Variants in LPIN2 observed in about 807,000 individuals in gnomAD.
The protein encoded by LPIN2 is lipin 2, also known as phosphatidate phosphatase LPIN2.
A neutral mutation model predicts 111.4 loss-of-function variants in LPIN2; 55 were observed. The ratio of observed to expected loss-of-function variants is 0.49; its 90% confidence interval spans 0.40 to 0.62. The LOEUF (loss-of-function observed/expected upper bound fraction) is 0.62. Ranked by LOEUF, LPIN2 falls within the 20% of genes least tolerant of loss-of-function variation. LPIN2 has a pLI of 0.00. For synonymous variants in LPIN2, 425 were observed against 414.0 expected, an observed-to-expected ratio of 1.03 and a Z score of -0.32; for missense variants, 992 against 1,112.1, an observed-to-expected ratio of 0.89 and a Z score of 1.54.
chr18:2,970,591 A>G (rs2077891797), intron 1 of LPIN2, among the ~76,000 whole-genome samples: 1 of 152,226 alleles, frequency 6.6e-6, no homozygotes, highest in Non-Finnish European at 1.5e-5. Flanking sequence ...CAGAGGACTT[A>G]AATCAGACAG....
chr18:2,992,841 C>G (rs1378361213), intron 1 of LPIN2, among the ~76,000 whole-genome samples: 1 of 151,986 alleles, frequency 6.6e-6, no homozygotes, highest in Admixed American at 6.6e-5. Flanking sequence ...AAAAAATTAG[C>G]CAGGCCTGGT....
At chr18:2,971,408 G>A (rs1240614351) in intron 1 of LPIN2, among the ~76,000 whole-genome samples, 2 of 151,750 alleles carry the variant, frequency 1.3e-5, no homozygotes, top group Admixed American at 1.3e-4. Context: ...ATCTGTTGCT[G>A]TGAGTGCCCA....
In LPIN2 at chr18:2,954,593, T is replaced by C. The variant is rs1448362269; in HGVS notation, c.199A>G (p.Ile67Val). 1 of 1,605,052 alleles carries C rather than the reference T, an allele frequency of 6.2e-7. No homozygotes were observed. Among genetic ancestry groups the C allele is most frequent in the South Asian group, 1.1e-5 (1 of 90,916 alleles). ...TCCACTGCACTGCCGTTGATTTCTA[T>C]ATCAATCTATGGGAGAAACAAAGTA... ...VLRSKEKVID[I>V]EINGSAVDLH... is the part of the protein sequence containing the mutation. Residue 67 changes from isoleucine (I) to valine (V), a missense_variant, in exon 3 of 20, where the codon ATA becomes GTA. By Grantham distance (29) the Ile-to-Val change is conservative. Around this residue, in one of 4 missense-constraint regions of LPIN2, gnomAD observed 67 missense variants for 112.1 expected, o/e 0.60. Coordinates refer to ENST00000677752, the MANE Select transcript of LPIN2 (RefSeq NM_001375808.2).
rs1313027319 is a variant in LPIN2, at chr18:2,937,680, A to G, written c.1168+12T>C. On this transcript the variant is annotated intron_variant, in intron 7 of 19. Coordinates refer to ENST00000677752, the MANE Select transcript of LPIN2 (RefSeq NM_001375808.2). ...TTGAGAGTACCTGGAGCCAAATTAA[A>G]CAAACGATTACCTTTCTTCTTTGAC... is the stretch of plus-strand genomic sequence containing the variant. 6.2e-7 allele frequency: 1 copy of G among 1,612,006 alleles called. No homozygotes were observed. Among genetic ancestry groups the G allele is most frequent in the Admixed American group, 1.7e-5 (1 of 60,024 alleles).
chr18:2,924,024 C>A (rs1020094215), intron 15 of LPIN2, among the ~76,000 whole-genome samples, 163 bp from the exon 16 acceptor site: 2 of 152,180 alleles, frequency 1.3e-5, no homozygotes, highest in African/African-American at 4.8e-5. Flanking sequence ...CCCATGCAAA[C>A]GCACCCACTG....
intron 1 of LPIN2, among the ~76,000 whole-genome samples, chr18:3,005,089 C>T (rs1293637810): frequency 1.3e-5 from 2 of 152,186 alleles, no homozygotes; most frequent in Non-Finnish European, 2.9e-5. Flanking sequence ...GTGGCTCATA[C>T]TTGTAATCCC....
intron 1 of LPIN2, among the ~76,000 whole-genome samples, chr18:2,964,299 A>AG (rs1167711358): frequency 1.1e-4 from 16 of 151,000 alleles, no homozygotes; most frequent in African/African-American, 2.9e-4. Flanking sequence ...AAAAAAAAAA[A>AG]AAAAAAGAAA....
chr18:2,922,261 CA>C (rs140067239), intron 16 of LPIN2, 62 bp from the exon 17 acceptor site: 2,185 of 1,349,218 alleles, frequency 1.6e-3, no homozygotes, highest in Admixed American at 2.0e-3. Context: ...AAACAAAAAA[CA>C]AAAAAAAAAC....
At chr18:3,000,861 C>G (rs896536727) in intron 1 of LPIN2, among the ~76,000 whole-genome samples, 2 of 150,790 alleles carry the variant, frequency 1.3e-5, no homozygotes, top group African/African-American at 2.5e-5. Context: ...ATGGCAAATC[C>G]CAAACCAAGG....
At chr18:2,924,117 C>T (rs917930773) in intron 15 of LPIN2, among the ~76,000 whole-genome samples, 2 of 152,144 alleles carry the variant, frequency 1.3e-5, no homozygotes, top group Admixed American at 6.6e-5. Context: ...TCTTTTCCTC[C>T]GCCCCAATGT....
chr18:2,985,897 T>TA (rs2078179847), intron 1 of LPIN2, among the ~76,000 whole-genome samples: 3 of 152,238 alleles, frequency 2.0e-5, no homozygotes, highest in Admixed American at 2.0e-4. Context: ...TTTTGATTAT[T>TA]AAAAAATCAT....
chr18:2,929,409 G>C (rs1443958138), intron 9 of LPIN2, among the ~76,000 whole-genome samples: 1 of 152,068 alleles, frequency 6.6e-6, no homozygotes, highest in African/African-American at 2.4e-5. Flanking sequence ...GGACATGACA[G>C]AGACTTTCAA....
Position 2,920,193 on chromosome 18 carries a change from C to A in LPIN2, c.*100G>T. ...GACCAGCTCCAGAAGCACCCGTCCC[C>A]GCTGGGGAAGGCTGGTATCTGAGGT... On this transcript the variant is annotated 3_prime_UTR_variant, in exon 20 of 20. Transcript: ENST00000677752. The A allele has an allele frequency of 6.5e-7, 1 of 1,535,718 alleles. No homozygotes were observed. The highest frequency in any genetic ancestry group is 1.1e-5 in the South Asian group (1 of 88,850).
At chr18:2,983,799 T>C (rs1227337413) in intron 1 of LPIN2, among the ~76,000 whole-genome samples, 1 of 152,192 alleles carries the variant, frequency 6.6e-6, no homozygotes. Context: ...ACCTAGTTTT[T>C]TTTTTCCCAC....
rs1456873217 is a variant in LPIN2 at position 2,960,725 on chromosome 18, T to A, written c.116A>T (p.Gln39Leu). 6.2e-7 allele frequency: 1 copy of A among 1,614,154 alleles called. No homozygotes were observed. Among genetic ancestry groups the A allele is most frequent in the Non-Finnish European group, 8.5e-7 (1 of 1,180,026 alleles). ...GCIDVIVVQQQDGSYQCSPFH... is the reference protein window; with the variant it reads ...GCIDVIVVQQLDGSYQCSPFH... ...AGGTGAACACTGATAGCTGCCATCC[T>A]GCTGCTGTACCACGATGACATCAAT... is the stretch of plus-strand genomic sequence containing the variant. Residue 39 changes from glutamine to leucine, a missense_variant, in exon 2 of 20, where the codon CAG becomes CTG. This residue lies in a region of LPIN2 where 67 missense variants were observed against 112.1 expected (regional missense o/e 0.60). Coordinates refer to ENST00000677752, the MANE Select transcript of LPIN2 (RefSeq NM_001375808.2).
rs779700459 is a variant in LPIN2 at position 2,939,636 on chromosome 18, A to G, written c.699-33T>C. ...GAGAACAAAGACACACGATGACTTG[A>G]AAGTCGGGAAACCTTCAGTCTTGCT... On this transcript the variant is annotated intron_variant, in intron 5 of 19. Transcript: ENST00000677752. The G allele has an allele frequency of 2.5e-6, 4 of 1,609,016 alleles. No individual in the cohort carries two copies. The South Asian group carries it at 4.4e-5, about 18-fold the overall frequency.
chr18:2,965,744 A>AG lies in LPIN2; in HGVS notation c.-9-4896_-9-4895insC, dbSNP rs1374787905. On this transcript the variant is annotated intron_variant, in intron 1 of 19. Coordinates refer to ENST00000677752, the MANE Select transcript of LPIN2 (RefSeq NM_001375808.2). ...GACTCCCAATCTCAAAAAAAAAAAA[A>AG]AAAAAGCATCAGTAAATAGGTTCAA... Among the ~76,000 whole-genome samples the AG allele has an allele frequency of 4.0e-5, 6 of 151,576 alleles. No individual in the cohort carries two copies. In the South Asian group the frequency reaches 6.2e-4, roughly 16 times the overall value.
At chr18:2,934,287 G>A (rs2144177149) in intron 8 of LPIN2, 64 bp downstream of exon 8, 2 of 1,186,268 alleles carry the variant, frequency 1.7e-6, no homozygotes, top group South Asian at 1.3e-5. Flanking sequence ...GAGATGAAAT[G>A]TTTTACTCTA....
intron 4 of LPIN2, among the ~76,000 whole-genome samples, chr18:2,942,896 G>A (rs1160035778): frequency 1.3e-5 from 2 of 152,238 alleles, no homozygotes; most frequent in African/African-American, 2.4e-5. Context: ...GAAGAAAACA[G>A]CACAAGCACT....
Sources: allele counts gnomAD v4.1 joint callset (sites outside exome capture counted in the v4.1 genomes callset), GRCh38; gene constraint gnomAD v4.1.1; regional missense constraint gnomAD v4.1.1; transcripts MANE v1.5; gene names NCBI Gene and HGNC (gene_info 2026-07-23, HGNC 2026-07-21).